PARP15: variants seen among roughly 807,000 people sequenced by gnomAD.
PARP15 encodes the protein poly(ADP-ribose) polymerase family member 15, also known as protein mono-ADP-ribosyltransferase PARP15.
PARP15 carries 50 observed loss-of-function variants against 62.1 expected under a neutral mutation model. The observed-to-expected ratio is 0.81, with a 90% confidence interval of 0.64 to 1.02. The LOEUF is 1.02. Among genes scored for constraint, PARP15 ranks in the 50% least tolerant of loss-of-function variants. The pLI, the probability that PARP15 is intolerant of heterozygous loss-of-function variation, is 0.00. For synonymous variants in PARP15, 309 were observed against 293.1 expected (o/e 1.05, Z -0.55); for missense variants, 820 against 826.5 (o/e 0.99, Z 0.10).
At chr3:122,624,328 C>T (rs1379895911) in intron 8 of PARP15, among the ~76,000 whole-genome samples, 2 of 152,148 alleles carry the variant, frequency 1.3e-5, no homozygotes, top group Non-Finnish European at 2.9e-5. Context: ...CATGTCAAAG[C>T]TCATGTATTC....
At chr3:122,627,680 T>TA (rs1308378389) in intron 9 of PARP15, among the ~76,000 whole-genome samples, 1 of 152,220 alleles carries the variant, frequency 6.6e-6, no homozygotes, top group East Asian at 1.9e-4. Flanking sequence ...CACTCACCCT[T>TA]AAAGCACTGT....
intron 8 of PARP15, among the ~76,000 whole-genome samples, chr3:122,626,196 CTTT>C (rs34106420): frequency 0.051 from 6,203 of 122,032 alleles, 425 homozygotes; most frequent in African/African-American, 0.18. Context: ...AGCTGTCACT[CTTT>C]TTTTTTTTTT....
At chr3:122,603,463 T>G (rs1441168830) in intron 1 of PARP15, among the ~76,000 whole-genome samples, 2 of 150,344 alleles carry the variant, frequency 1.3e-5, no homozygotes. Flanking sequence ...AAGCCAGCAG[T>G]ATGGGAGGAC....
chr3:122,635,852 A>G lies in PARP15; in HGVS notation c.1789A>G (p.Ser597Gly), dbSNP rs759323080. 11 of 1,613,930 alleles carry G rather than the reference A, an allele frequency of 6.8e-6. 1 individual carries two copies. The South Asian group carries it at 1.2e-4, about 18-fold the overall frequency. ...GKGTYFAVDA[S>G]YSAKDTYSKP... ...AGGAACCTATTTTGCTGTGGATGCC[A>G]GTTATTCTGCCAAGGACACCTACTC... The change falls in exon 12 of 12, where the codon AGT becomes GGT. Residue 597 changes from serine to glycine, a missense_variant. By Grantham distance (56) the Ser-to-Gly change is moderately conservative. Around this residue, in one of 3 missense-constraint regions of PARP15, gnomAD observed 731 missense variants for 727.7 expected, o/e 1.00. Coordinates refer to ENST00000464300, the MANE Select transcript of PARP15 (RefSeq NM_001113523.3).
At position 122,627,046 on chromosome 3, in the gene PARP15, CTT is replaced by C. The variant is rs757936408; in HGVS notation, c.1438+17_1438+18del. 1 of 1,588,486 alleles carries C rather than the reference CTT, an allele frequency of 6.3e-7. No homozygotes were observed. The highest frequency in any genetic ancestry group is 1.1e-5 in the South Asian group (1 of 88,008). On this transcript the variant is annotated intron_variant, in intron 9 of 11. Coordinates refer to ENST00000464300, the MANE Select transcript of PARP15 (RefSeq NM_001113523.3). ...TCCATGACTACATGTAAGATGTTCA[CTT>C]TTTAAAAATCACCCTGCTGGCTCTG...
At chr3:122,608,095 G>T (rs991058871) in intron 2 of PARP15, among the ~76,000 whole-genome samples, 1 of 151,762 alleles carries the variant, frequency 6.6e-6, no homozygotes, top group East Asian at 1.9e-4. Flanking sequence ...GTACTCCATC[G>T]TCTGGCCCTA....
At chr3:122,598,862 C>T (rs9869360) in intron 1 of PARP15, among the ~76,000 whole-genome samples, 118,278 of 152,094 alleles carry the variant, frequency 0.78, 48,907 homozygotes, top group East Asian at 0.92. Context: ...TAGAGCACCA[C>T]GGTCCTTTAT....
At chr3:122,607,231 G>C (rs1048065687) in intron 2 of PARP15, among the ~76,000 whole-genome samples, 1 of 152,224 alleles carries the variant, frequency 6.6e-6, no homozygotes, top group African/African-American at 2.4e-5. Context: ...TATTATGAGA[G>C]TGATTGGTGA....
chr3:122,615,195 C>A lies in PARP15; in HGVS notation c.772-584C>A, dbSNP rs1020840354. Reference sequence around the variant, plus strand: ...GCCCATTGCTCAATTTTATCACTCACACGACCAAAATGCCTTTTTGTTTTT... The same window carrying A: ...GCCCATTGCTCAATTTTATCACTCAAACGACCAAAATGCCTTTTTGTTTTT... On this transcript the variant is annotated intron_variant, in intron 4 of 11. Transcript: ENST00000464300. 14 of 1,251,526 alleles carry A rather than the reference C, an allele frequency of 1.1e-5. No individual in the cohort carries two copies. In the Admixed American group the frequency reaches 3.0e-4, roughly 27 times the overall value. 77.5% of individuals were successfully genotyped at this position (1,251,526 alleles called of 1,614,324 possible).
At chr3:122,594,274 T>C (rs1934169464) in intron 1 of PARP15, among the ~76,000 whole-genome samples, 1 of 152,144 alleles carries the variant, frequency 6.6e-6, no homozygotes, top group Non-Finnish European at 1.5e-5. Flanking sequence ...CATTCCAGCC[T>C]AGGCAACAGA....
At position 122,635,163 on chromosome 3, in the gene PARP15, C is replaced by T. The variant is rs370532199; in HGVS notation, c.1716C>T (p.His572=). ...DADSVPYVNQ[H]GFNRSCAGKN... ...ACTCAGTGCCATATGTCAATCAGCA[C>T]GGCTTTAATAGAAGTTGTGCTGGGA... The change falls in exon 11 of 12, where the codon CAC becomes CAT. Residue 572 remains histidine (H), a synonymous_variant. Transcript: ENST00000464300. 56 of 1,613,814 alleles carry T rather than the reference C, an allele frequency of 3.5e-5. No individual in the cohort carries two copies. The highest frequency in any genetic ancestry group is 3.3e-4 in the Middle Eastern group (2 of 6,056).
rs571951058 is a variant in PARP15 at position 122,622,899 on chromosome 3, G to A, written c.1231+1288G>A. On this transcript the variant is annotated intron_variant, in intron 8 of 11. Transcript: ENST00000464300. ...ACCATTAATCTAAGAGAGTTTTTCA[G>A]CAATTAAATTCCTGGTCTTACAGCC... Among the ~76,000 whole-genome samples, 3 of 152,230 alleles carry A rather than the reference G, an allele frequency of 2.0e-5. No individual in the cohort carries two copies. In the East Asian group the frequency reaches 5.8e-4, roughly 29 times the overall value.
rs542282173 is a variant in PARP15 at position 122,597,279 on chromosome 3, T to C, written c.187-8657T>C. On this transcript the variant is annotated intron_variant, in intron 1 of 11. Transcript: ENST00000464300. ...TCTTAAAGGCCCCATCTCTTAATAA[T>C]ACCACAATGGAAATTAGGTTTCAAC... Among the ~76,000 whole-genome samples, 9 of 152,264 alleles carry C rather than the reference T, an allele frequency of 5.9e-5. No homozygotes were observed. The East Asian group carries it at 1.7e-3, about 29-fold the overall frequency.
intron 4 of PARP15, 89 bp from the exon 5 acceptor site, chr3:122,615,690 T>C (rs750548786): frequency 6.3e-7 from 1 of 1,597,994 alleles, no homozygotes; most frequent in Non-Finnish European, 8.5e-7. Context: ...TGTTATCAAC[T>C]CTTTGATATC....
intron 4 of PARP15, 109 bp downstream of exon 4, chr3:122,613,377 TG>T: frequency 1.1e-6 from 1 of 951,150 alleles, no homozygotes; most frequent in East Asian, 2.6e-5. Flanking sequence ...TGCCTATAAG[TG>T]ATGGTTGCTA....
At chr3:122,628,851 T>A (rs549027482) in intron 9 of PARP15, among the ~76,000 whole-genome samples, 1 of 152,362 alleles carries the variant, frequency 6.6e-6, no homozygotes, top group South Asian at 2.1e-4. Flanking sequence ...AGGAAGTTTG[T>A]TGGCTCAGAT....
intron 10 of PARP15, 114 bp from the exon 11 acceptor site, chr3:122,634,906 C>T: frequency 9.1e-7 from 1 of 1,099,348 alleles, no homozygotes; most frequent in Non-Finnish European, 1.3e-6. Context: ...TTTCCTTCAC[C>T]AAATTCTCTT....
chr3:122,602,778 C>T (rs1405074608), intron 1 of PARP15, among the ~76,000 whole-genome samples: 1 of 152,152 alleles, frequency 6.6e-6, no homozygotes, highest in African/African-American at 2.4e-5. Context: ...CAACGAATGT[C>T]AGTGGGAAAA....
chr3:122,630,081 T>C (rs1235341611), intron 9 of PARP15, among the ~76,000 whole-genome samples: 2 of 152,182 alleles, frequency 1.3e-5, no homozygotes, highest in African/African-American at 4.8e-5. Flanking sequence ...CAAAGAGCTG[T>C]ATGGGAAGAG....
Sources: allele counts gnomAD v4.1 joint callset (sites outside exome capture counted in the v4.1 genomes callset), GRCh38; gene constraint gnomAD v4.1.1; regional missense constraint gnomAD v4.1.1; transcripts MANE v1.5; gene names NCBI Gene and HGNC (gene_info 2026-07-23, HGNC 2026-07-21).